The following UNC79 variants were observed in gnomAD, a reference collection of about 807,000 sequenced individuals.
UNC79 encodes protein unc-79 homolog.
A neutral mutation model predicts 283.1 loss-of-function variants in UNC79; 37 were observed. The observed-to-expected ratio is 0.13, with a 90% confidence interval of 0.10 to 0.17. The LOEUF is 0.17. Among genes scored for constraint, UNC79 ranks in the 10% least tolerant of loss-of-function variants. UNC79 has a pLI of 1.00. For missense variants in UNC79, 2,272 were observed against 3,211.1 expected (o/e 0.71, Z 7.07); for synonymous variants, 1,107 against 1,200.2 (o/e 0.92, Z 1.61).
At chr14:93,586,951 G>T (rs758019847) in intron 22 of UNC79, 43 bp downstream of exon 22, 2 of 1,587,280 alleles carry the variant, frequency 1.3e-6, no homozygotes, top group Non-Finnish European at 1.7e-6. Context: ...TATACATTAG[G>T]CTTTAGTTGT....
At chr14:93,464,065 C>T (rs978316816) in intron 1 of UNC79, among the ~76,000 whole-genome samples, 8 of 152,080 alleles carry the variant, frequency 5.3e-5, no homozygotes, top group East Asian at 1.9e-4. Context: ...AGGAGAATGG[C>T]GTGAACCCAG....
intron 1 of UNC79, among the ~76,000 whole-genome samples, chr14:93,406,115 A>G (rs1163073129): frequency 6.6e-6 from 1 of 152,238 alleles, no homozygotes; most frequent in African/African-American, 2.4e-5. Context: ...GTTCATTTAC[A>G]GGCTACTATA....
intron 7 of UNC79, among the ~76,000 whole-genome samples, chr14:93,513,249 C>T (rs2059913883): frequency 7.9e-6 from 1 of 126,150 alleles, no homozygotes; most frequent in African/African-American, 3.0e-5. Context: ...CTAACATGGT[C>T]TCACTCTTGC....
chr14:93,361,211 C>CAAAAAAAAAAAAAAAAAAAAAA (rs58267219), intron 1 of UNC79, among the ~76,000 whole-genome samples: 1 of 54,362 alleles, frequency 1.8e-5, no homozygotes, highest in Non-Finnish European at 3.2e-5. Flanking sequence ...GACTCTGTCT[C>CAAAAAAAAAAAAAAAAAAAAAA]AAAAAAAAAA....
intron 1 of UNC79, among the ~76,000 whole-genome samples, chr14:93,388,049 G>T (rs561246528): frequency 3.2e-4 from 48 of 151,582 alleles, no homozygotes; most frequent in African/African-American, 1.2e-3. Flanking sequence ...AGCTACCTCG[G>T]TCTAGGATTA....
At chr14:93,641,183 G>A in exon 33 of UNC79, 3 of 1,613,792 alleles carry the variant, frequency 1.9e-6, no homozygotes, top group Non-Finnish European at 2.5e-6. Flanking sequence ...ACCAAGCATA[G>A]TCAGTATGTT....
intron 1 of UNC79, among the ~76,000 whole-genome samples, chr14:93,383,246 T>C (rs907655124): frequency 1.3e-5 from 2 of 152,112 alleles, no homozygotes; most frequent in African/African-American, 4.8e-5. Flanking sequence ...GCACCTGAAG[T>C]GTAGTTTTCA....
intron 7 of UNC79, among the ~76,000 whole-genome samples, chr14:93,506,867 G>T (rs1482957471): frequency 1.3e-5 from 2 of 152,172 alleles, no homozygotes; most frequent in African/African-American, 4.8e-5. Context: ...ACAATGGAAT[G>T]TTTCCATCAA....
At chr14:93,358,699 C>T (rs1433507791) in intron 1 of UNC79, among the ~76,000 whole-genome samples, 1 of 152,188 alleles carries the variant, frequency 6.6e-6, no homozygotes, top group African/African-American at 2.4e-5. Context: ...TCCCCATTCC[C>T]AGTAGTGGCA....
At chr14:93,502,932 C>T (rs950402461) in intron 7 of UNC79, among the ~76,000 whole-genome samples, 5 of 152,212 alleles carry the variant, frequency 3.3e-5, no homozygotes, top group Admixed American at 6.5e-5. Context: ...TTTTATGTCA[C>T]ATTGAGTTCT....
At chr14:93,580,071 G>T in intron 18 of UNC79, 78 bp from the exon 19 acceptor site, 1 of 1,310,960 alleles carries the variant, frequency 7.6e-7, no homozygotes, top group Non-Finnish European at 1.1e-6. Context: ...ATGGAATATT[G>T]GACAAATGGA....
At chr14:93,422,644 C>A (rs1358103264) in intron 1 of UNC79, among the ~76,000 whole-genome samples, 1 of 151,958 alleles carries the variant, frequency 6.6e-6, no homozygotes, top group Non-Finnish European at 1.5e-5. Context: ...AGGAACATAC[C>A]TCGATATAAA....
At chr14:93,632,952 CT>C (rs1440641693) in intron 31 of UNC79, among the ~76,000 whole-genome samples, 1 of 151,934 alleles carries the variant, frequency 6.6e-6, no homozygotes, top group Non-Finnish European at 1.5e-5. Context: ...GGTATCATGC[CT>C]GGTACCTTAT....
At chr14:93,501,539 T>G (rs1040978553) in intron 7 of UNC79, among the ~76,000 whole-genome samples, 2 of 151,688 alleles carry the variant, frequency 1.3e-5, no homozygotes, top group Non-Finnish European at 2.9e-5. Context: ...ATACAAAAAA[T>G]TAGCTGGGTG....
chr14:93,699,459 T>C (rs1466026191), intron 47 of UNC79, among the ~76,000 whole-genome samples: 3 of 152,222 alleles, frequency 2.0e-5, no homozygotes, highest in Non-Finnish European at 2.9e-5. Flanking sequence ...TTCCCCCAGA[T>C]TTTGAGAGAT....
intron 47 of UNC79, among the ~76,000 whole-genome samples, chr14:93,703,745 A>C (rs1030553826): frequency 1.3e-5 from 2 of 152,234 alleles, no homozygotes; most frequent in African/African-American, 4.8e-5. Flanking sequence ...GGTGTATTAA[A>C]GATCTGAGAA....
chr14:93,365,760 T>A (rs2054316188), intron 1 of UNC79, among the ~76,000 whole-genome samples: 1 of 152,116 alleles, frequency 6.6e-6, no homozygotes, highest in African/African-American at 2.4e-5. Flanking sequence ...AAAGGGCACA[T>A]GGAATATAGA....
At chr14:93,418,927 C>T (rs2055528448) in intron 1 of UNC79, among the ~76,000 whole-genome samples, 1 of 151,822 alleles carries the variant, frequency 6.6e-6, no homozygotes, top group Non-Finnish European at 1.5e-5. Flanking sequence ...CCATCTGTCA[C>T]CTCTTTCTTT....
At chr14:93,558,073 A>G (rs1473373766) in intron 14 of UNC79, among the ~76,000 whole-genome samples, 1 of 152,222 alleles carries the variant, frequency 6.6e-6, no homozygotes, top group Non-Finnish European at 1.5e-5. Context: ...TCAGGGACCC[A>G]TAGCGAAGTT....
Sources: allele counts gnomAD v4.1 joint callset (sites outside exome capture counted in the v4.1 genomes callset), GRCh38; gene constraint gnomAD v4.1.1; transcripts MANE v1.5; gene names NCBI Gene and HGNC (gene_info 2026-07-23, HGNC 2026-07-21).